PAQR7: variants seen among roughly 807,000 people sequenced by gnomAD.
The protein encoded by PAQR7 is membrane progestin receptor alpha.
A neutral mutation model predicts 24.6 loss-of-function variants in PAQR7; 14 were observed. The observed-to-expected ratio is 0.57, with a 90% CI of 0.38 to 0.89. The LOEUF (loss-of-function observed/expected upper bound fraction) is 0.89. Ranked by LOEUF, PAQR7 falls within the 40% of genes least tolerant of loss-of-function variation. The pLI is 0.00. For synonymous variants in PAQR7, 189 were observed against 198.8 expected (o/e 0.95, Z 0.42); for missense variants, 351 against 444.0 (o/e 0.79, Z 1.88).
chr1:25,872,265 C>A (rs1290896076), intron 1 of PAQR7, among the ~76,000 whole-genome samples: 1 of 152,212 alleles, frequency 6.6e-6, no homozygotes, highest in Non-Finnish European at 1.5e-5. Context: ...CTCAGCCACT[C>A]AATCCCTGTG....
In PAQR7 at chr1:25,875,120, A is replaced by G. The variant is rs1016422724; in HGVS notation, c.-109+368T>C. ...ACCCACTCCCTGCCCTCCATCCTTC[A>G]TTTTCTCCAAGCAGCCCTCCCCTCC... On this transcript the variant is annotated intron_variant, in intron 1 of 2. Coordinates refer to ENST00000675840, the MANE Select transcript of PAQR7 (RefSeq NM_178422.6). This position sits in a 1 kb window ranked among gnomAD's most constrained non-coding sequence, Gnocchi z 5.4. Among the ~76,000 whole-genome samples, 3 of 150,816 alleles carry G rather than the reference A, an allele frequency of 2.0e-5. No individual in the cohort carries two copies. The highest frequency in any genetic ancestry group is 3.0e-5 in the Non-Finnish European group (2 of 67,648).
intron 1 of PAQR7, among the ~76,000 whole-genome samples, chr1:25,871,976 G>T (rs1391622602): frequency 6.6e-6 from 1 of 152,208 alleles, no homozygotes; most frequent in Non-Finnish European, 1.5e-5. Flanking sequence ...CCCTGGTGGT[G>T]GACATCCTCC....
intron 1 of PAQR7, 99 bp from the exon 2 acceptor site, chr1:25,870,793 C>A (rs1176979467): frequency 6.6e-6 from 1 of 152,180 alleles, no homozygotes; most frequent in East Asian, 1.9e-4. Flanking sequence ...TTCAGACAAA[C>A]CAGGTTTGAC....
At chr1:25,869,878 T>C (rs1486941012) in intron 2 of PAQR7, among the ~76,000 whole-genome samples, 6 of 152,110 alleles carry the variant, frequency 3.9e-5, no homozygotes, top group Non-Finnish European at 7.4e-5. Flanking sequence ...CCTCCTTAGG[T>C]GAGTGACAGC....
At chr1:25,869,347 G>A (rs762411021) in intron 2 of PAQR7, among the ~76,000 whole-genome samples, 9 of 152,054 alleles carry the variant, frequency 5.9e-5, no homozygotes, top group South Asian at 2.1e-4. Context: ...CGAGGTGGGC[G>A]GATCACCTGA....
chr1:25,870,334 G>A (rs950937907), intron 2 of PAQR7, among the ~76,000 whole-genome samples: 3 of 152,178 alleles, frequency 2.0e-5, no homozygotes, highest in African/African-American at 7.2e-5. Flanking sequence ...ATGGGACTGG[G>A]CAAATTCACC....
At position 25,863,090 on chromosome 1, in the gene PAQR7, C is replaced by T. The variant is rs758590193; in HGVS notation, c.750G>A (p.Leu250=). 2.5e-6 allele frequency: 4 copies of T among 1,614,062 alleles called. No individual in the cohort carries two copies. The highest frequency in any genetic ancestry group is 3.3e-5 in the Admixed American group (2 of 60,016). ...YHKCQVVFFL[L]AAAFFSTFMP... is the part of the protein sequence containing the mutation. ...TGAAGGTAGAGAAGAAGGCAGCAGC[C>T]AGCAGAAAGAAGACCACCTGGCACT... Residue 250 remains leucine (L), a synonymous_variant, in exon 3 of 3, where the codon CTG becomes CTA. Transcript: ENST00000675840. The surrounding 1 kb of genome is among the most constrained non-coding windows in gnomAD (Gnocchi z 6.1).
chr1:25,869,714 C>T (rs532452405), intron 2 of PAQR7, among the ~76,000 whole-genome samples: 42 of 152,262 alleles, frequency 2.8e-4, no homozygotes. Flanking sequence ...TTGTCTGCAT[C>T]CTACAGAACA....
rs772459555 is a variant in PAQR7, at chr1:25,863,570, GGC to G, written c.268_269del (p.Ala90ProfsTer42). 1 of 1,614,212 alleles carries G rather than the reference GGC, an allele frequency of 6.2e-7. No homozygotes were observed. The highest frequency in any genetic ancestry group is 8.5e-7 in the Non-Finnish European group (1 of 1,180,040). ...LAALVLLLRL[A>X]LFVETVDFWG... ...AGAAGTCCACGGTCTCCACAAAGAGGGCCAGCCGCAGCAGCAGTACCAGGGCC... is the reference window on the plus strand; with the variant it reads ...AGAAGTCCACGGTCTCCACAAAGAGGCAGCCGCAGCAGCAGTACCAGGGCC... On this transcript the variant is annotated frameshift_variant, in exon 3 of 3. Transcript: ENST00000675840. LOFTEE classifies it high-confidence loss of function. This position sits in a 1 kb window ranked among gnomAD's most constrained non-coding sequence, Gnocchi z 6.1.
rs1399851119 is a variant in PAQR7 at position 25,875,197 on chromosome 1, C to T, written c.-109+291G>A. 6.6e-6 allele frequency among the ~76,000 whole-genome samples: 1 copy of T among 151,922 alleles called. No individual in the cohort carries two copies. The highest frequency in any genetic ancestry group is 2.4e-5 in the African/African-American group (1 of 41,198). On this transcript the variant is annotated intron_variant, in intron 1 of 2. Coordinates refer to ENST00000675840, the MANE Select transcript of PAQR7 (RefSeq NM_178422.6). The surrounding 1 kb of genome is among the most constrained non-coding windows in gnomAD (Gnocchi z 5.4). The stretch of plus-strand genomic sequence containing the variant: ...AGGCCCCCATCCGCATCCTCCTCAG[C>T]CGTGCTCCTTCTGCTCCTCCCACCC...
At position 25,863,498 on chromosome 1, in the gene PAQR7, A is replaced by G; in HGVS notation, c.342T>C (p.Ser114=). Residue 114 remains serine (S), a synonymous_variant, in exon 3 of 3, where the codon TCT becomes TCC. Coordinates refer to ENST00000675840, the MANE Select transcript of PAQR7 (RefSeq NM_178422.6). This position sits in a 1 kb window ranked among gnomAD's most constrained non-coding sequence, Gnocchi z 6.1. ...ALPLFIIVLA[S]FTYLSFSALA... Reference sequence around the variant, plus strand: ...AGGCACTGAAGGAGAGGTAGGTGAAAGAGGCAAGGACAATGATGAAGAGGG... The same window carrying G: ...AGGCACTGAAGGAGAGGTAGGTGAAGGAGGCAAGGACAATGATGAAGAGGG... The G allele has an allele frequency of 6.2e-7, 1 of 1,614,180 alleles. No homozygotes were observed. Among genetic ancestry groups the G allele is most frequent in the Admixed American group, 1.7e-5 (1 of 60,026 alleles).
chr1:25,874,406 G>C (rs1483321427), intron 1 of PAQR7, among the ~76,000 whole-genome samples: 1 of 152,208 alleles, frequency 6.6e-6, no homozygotes, highest in Non-Finnish European at 1.5e-5. Context: ...GCTCTGAGGA[G>C]GGGGAATCTC....
At chr1:25,872,141 G>A (rs1164665188) in intron 1 of PAQR7, among the ~76,000 whole-genome samples, 6 of 152,190 alleles carry the variant, frequency 3.9e-5, no homozygotes. Flanking sequence ...TGGAATCAGA[G>A]GATTAAAATA....
chr1:25,862,557 G>A lies in PAQR7; in HGVS notation c.*242C>T, dbSNP rs764797959. 70 of 515,814 alleles carry A rather than the reference G, an allele frequency of 1.4e-4. No homozygotes were observed. The highest frequency in any genetic ancestry group is 1.2e-3 in the South Asian group (50 of 41,636). 32.0% of individuals were successfully genotyped at this position (515,814 alleles called of 1,614,324 possible). A position where few individuals can be genotyped will look rare whatever the true frequency, so the allele number is the denominator to read the frequency against. On this transcript the variant is annotated 3_prime_UTR_variant, in exon 3 of 3. Transcript: ENST00000675840. ...AGGGCAAGCTGGAGTGGCCCACACC[G>A]TTAACTCTTTCCCTCTCCCTGGGCA...
chr1:25,873,821 T>C (rs2124203210), intron 1 of PAQR7, among the ~76,000 whole-genome samples: 1 of 152,318 alleles, frequency 6.6e-6, no homozygotes, highest in South Asian at 2.1e-4. Context: ...TCCTCCTGCG[T>C]TGGCCTCTCA....
rs370593470 is a variant in PAQR7 at position 25,863,682 on chromosome 1, G to A, written c.158C>T (p.Pro53Leu). 1.4e-5 allele frequency: 23 copies of A among 1,614,062 alleles called. No individual in the cohort carries two copies. The highest frequency in any genetic ancestry group is 3.3e-5 in the South Asian group (3 of 91,090). Residue 53 changes from proline to leucine, a missense_variant, in exon 3 of 3, where the codon CCG becomes CTG. Physicochemically the swap from Pro to Leu is moderately conservative, Grantham distance 98. Coordinates refer to ENST00000675840, the MANE Select transcript of PAQR7 (RefSeq NM_178422.6). The surrounding 1 kb of genome is among the most constrained non-coding windows in gnomAD (Gnocchi z 6.1). Reference sequence around the variant, plus strand: ...ATAGAAGCGCCAGGTCTGATGCAGCGGCCGGTAGCCCGCATAGATGTACGG... The same window carrying A: ...ATAGAAGCGCCAGGTCTGATGCAGCAGCCGGTAGCCCGCATAGATGTACGG... The part of the protein sequence containing the change: ...WKPYIYAGYR[P>L]LHQTWRFYFR...
At chr1:25,867,174 T>TTACCATGC (rs1345440943) in intron 2 of PAQR7, among the ~76,000 whole-genome samples, 1 of 151,990 alleles carries the variant, frequency 6.6e-6, no homozygotes, top group African/African-American at 2.4e-5. Flanking sequence ...CAGGTACATG[T>TTACCATGC]TACCATGCTC....
rs1423669235 is a variant in PAQR7, at chr1:25,863,144, G to A, written c.696C>T (p.Thr232=). 1 of 1,614,170 alleles carries A rather than the reference G, an allele frequency of 6.2e-7. No homozygotes were observed. The highest frequency in any genetic ancestry group is 1.1e-5 in the South Asian group (1 of 91,086). Residue 232 remains threonine (T), a synonymous_variant, in exon 3 of 3, where the codon ACC becomes ACT. Transcript: ENST00000675840. The surrounding 1 kb of genome is among the most constrained non-coding windows in gnomAD (Gnocchi z 6.1). ...VHRIFVSSDP[T]TDDPALLYHK... ...GGTAGAGAAGAGCTGGATCATCCGT[G>A]GTGGGGTCGGAGGACACGAAGATAC... is the stretch of plus-strand genomic sequence containing the variant.
At chr1:25,869,030 G>A (rs1409578460) in intron 2 of PAQR7, among the ~76,000 whole-genome samples, 1 of 152,054 alleles carries the variant, frequency 6.6e-6, no homozygotes, top group African/African-American at 2.4e-5. Flanking sequence ...GGGAAGCTAA[G>A]GCAGGAGAAG....
Sources: allele counts gnomAD v4.1 joint callset (sites outside exome capture counted in the v4.1 genomes callset), GRCh38; gene constraint gnomAD v4.1.1; non-coding constraint Gnocchi (gnomAD v3.1); transcripts MANE v1.5; gene names NCBI Gene and HGNC (gene_info 2026-07-23, HGNC 2026-07-21).